Variants in CEP68 observed in about 807,000 individuals in gnomAD.
The protein encoded by CEP68 is centrosomal protein 68, also known as centrosomal protein of 68 kDa.
In CEP68, 26 loss-of-function variants were observed where a neutral mutation model predicts 55.3. The ratio of observed to expected loss-of-function variants is 0.47; its 90% CI spans 0.34 to 0.65. CEP68 has a LOEUF of 0.65. Ranked by LOEUF, CEP68 falls within the 30% of genes least tolerant of loss-of-function variation. The pLI, the probability that CEP68 is intolerant of heterozygous loss-of-function variation, is 0.01. For missense variants in CEP68, 957 were observed against 946.7 expected (o/e 1.01, Z -0.14); for synonymous variants, 402 against 383.2 (o/e 1.05, Z -0.57).
At chr2:65,067,605 C>T (rs931613259) in intron 1 of CEP68, among the ~76,000 whole-genome samples, 43 of 152,102 alleles carry the variant, frequency 2.8e-4, no homozygotes, top group African/African-American at 9.9e-4. Flanking sequence ...CATGCCTCCC[C>T]ATGACACTAA....
At chr2:65,074,244 A>G in intron 3 of CEP68, 38 bp from the exon 4 acceptor site, 1 of 1,608,518 alleles carries the variant, frequency 6.2e-7, no homozygotes. Flanking sequence ...TAGCTGTTCG[A>G]TCAGTAACAC....
Position 65,069,478 on chromosome 2 carries a change from G to A in CEP68, c.34G>A (p.Ala12Thr), listed in dbSNP as rs961561510. ...ALGEEKAEAE[A>T]SEDTKAQSYG... The stretch of plus-strand genomic sequence containing the variant: ...GGGTGAAGAAAAGGCAGAAGCGGAA[G>A]CATCTGAAGACACAAAGGCCCAGTC... Residue 12 changes from alanine (A) to threonine (T), a missense_variant, in exon 2 of 7, where the codon GCA becomes ACA. Transcript: ENST00000377990. The A allele has an allele frequency of 4.6e-6, 7 of 1,521,534 alleles. No homozygotes were observed. Among genetic ancestry groups the A allele is most frequent in the Non-Finnish European group, 4.4e-6 (5 of 1,134,192 alleles). The allele number at this position is 1,521,534 out of a possible 1,614,324, so 94.3% of individuals were successfully genotyped here.
chr2:65,082,952 T>C (rs1307749945), intron 6 of CEP68, among the ~76,000 whole-genome samples: 6 of 152,174 alleles, frequency 3.9e-5, no homozygotes, highest in Non-Finnish European at 8.8e-5. Flanking sequence ...TGTGCTGCCA[T>C]TTCTATGGCA....
intron 5 of CEP68, among the ~76,000 whole-genome samples, chr2:65,080,788 A>G (rs185421919): frequency 6.6e-6 from 1 of 152,076 alleles, no homozygotes; most frequent in Non-Finnish European, 1.5e-5. Flanking sequence ...ACTGTACTCC[A>G]GCCTGGGCAA....
At chr2:65,057,059 AT>A (rs200571833) in intron 1 of CEP68, among the ~76,000 whole-genome samples, 45 of 152,040 alleles carry the variant, frequency 3.0e-4, no homozygotes, top group African/African-American at 1.0e-3. Context: ...AAGATGTCTC[AT>A]TTTTTTTGCC....
At chr2:65,080,610 G>C in intron 5 of CEP68, 1 of 891,830 alleles carries the variant, frequency 1.1e-6, no homozygotes, top group Non-Finnish European at 1.3e-6. Context: ...CTGAGGGCAG[G>C]AGTTCAAGAC....
At chr2:65,074,776 CAAA>C in intron 4 of CEP68, 1 of 228,062 alleles carries the variant, frequency 4.4e-6, no homozygotes. Flanking sequence ...CCCCCCCCCT[CAAA>C]AAAAAGTTTT....
Position 65,083,979 on chromosome 2 carries a change from C to T in CEP68, c.*345C>T, listed in dbSNP as rs1318830555. ...TATTCCACCTGGTAGGGTCATTTAC[C>T]AAGGGCTGGTAGGAGATTCCGAATA... On this transcript the variant is annotated 3_prime_UTR_variant, in exon 7 of 7. Transcript: ENST00000377990. 3.3e-5 allele frequency: 5 copies of T among 152,108 alleles called. No individual in the cohort carries two copies. Among genetic ancestry groups the T allele is most frequent in the Non-Finnish European group, 7.3e-5 (5 of 68,030 alleles). 9.4% of individuals were successfully genotyped at this position (152,108 alleles called of 1,614,324 possible). A position where few individuals can be genotyped will look rare whatever the true frequency, so the allele number is the denominator to read the frequency against.
chr2:65,070,245 T>G (rs573584522), intron 2 of CEP68, among the ~76,000 whole-genome samples: 1 of 152,296 alleles, frequency 6.6e-6, no homozygotes, highest in East Asian at 1.9e-4. Flanking sequence ...TGTCAGAACC[T>G]TGGAGCCCTG....
chr2:65,068,829 G>GA (rs143831457), intron 1 of CEP68, among the ~76,000 whole-genome samples: 7,117 of 151,700 alleles, frequency 0.047, 558 homozygotes, highest in African/African-American at 0.16. Context: ...CCCTGTCTCA[G>GA]AAAAAAGAAA....
rs1668950577 is a variant in CEP68 at position 65,084,097 on chromosome 2, G to C, written c.*463G>C. 1 of 152,174 alleles carries C rather than the reference G, an allele frequency of 6.6e-6. No homozygotes were observed. Among genetic ancestry groups the C allele is most frequent in the Non-Finnish European group, 1.5e-5 (1 of 68,020 alleles). 9.4% of individuals were successfully genotyped at this position (152,174 alleles called of 1,614,324 possible). ...TGGGTCTTTTCATAAAAGGAAATTTGGGCTTGTCAATCCCTCTTTAAAGAT... is the reference window on the plus strand; with the variant it reads ...TGGGTCTTTTCATAAAAGGAAATTTCGGCTTGTCAATCCCTCTTTAAAGAT... On this transcript the variant is annotated 3_prime_UTR_variant, in exon 7 of 7. Coordinates refer to ENST00000377990, the MANE Select transcript of CEP68 (RefSeq NM_015147.3).
intron 4 of CEP68, among the ~76,000 whole-genome samples, chr2:65,075,711 C>A (rs1287330947): frequency 6.6e-6 from 1 of 152,140 alleles, no homozygotes; most frequent in Non-Finnish European, 1.5e-5. Context: ...GTTGGCTGCA[C>A]CTTTCTAATC....
chr2:65,067,944 C>G (rs1676274692), intron 1 of CEP68, among the ~76,000 whole-genome samples: 1 of 152,112 alleles, frequency 6.6e-6, no homozygotes, highest in Non-Finnish European at 1.5e-5. Context: ...AAGGCGTCCT[C>G]AGTGTGTGCA....
intron 1 of CEP68, among the ~76,000 whole-genome samples, chr2:65,060,053 T>C (rs1675835228): frequency 6.6e-6 from 1 of 152,130 alleles, no homozygotes; most frequent in South Asian, 2.1e-4. Flanking sequence ...CAACATACTT[T>C]GATGTAATAA....
chr2:65,062,709 C>A (rs545534442), intron 1 of CEP68, among the ~76,000 whole-genome samples: 1 of 151,820 alleles, frequency 6.6e-6, no homozygotes, highest in Admixed American at 6.6e-5. Flanking sequence ...TGGTGGTGCA[C>A]GCCTGTAATC....
At chr2:65,059,142 A>G (rs1019957997) in intron 1 of CEP68, among the ~76,000 whole-genome samples, 7 of 152,182 alleles carry the variant, frequency 4.6e-5, no homozygotes, top group African/African-American at 7.2e-5. Context: ...TCTCATGAAG[A>G]AACTGTCTCC....
At chr2:65,079,727 CAGG>C (rs780638495) in intron 5 of CEP68, among the ~76,000 whole-genome samples, 1 of 152,240 alleles carries the variant, frequency 6.6e-6, no homozygotes, top group African/African-American at 2.4e-5. Flanking sequence ...CCACAGGCCA[CAGG>C]AGAAGTGGCA....
intron 3 of CEP68, chr2:65,073,273 T>C: frequency 2.2e-6 from 1 of 444,672 alleles, no homozygotes. Context: ...GCTGAGCTCT[T>C]AGCCACTACC....
At chr2:65,083,219 T>C (rs1668917777) in intron 6 of CEP68, among the ~76,000 whole-genome samples, 4 of 151,954 alleles carry the variant, frequency 2.6e-5, no homozygotes, top group Admixed American at 2.0e-4. Flanking sequence ...TCTCCACATA[T>C]CTCCCACACC....
Sources: allele counts gnomAD v4.1 joint callset (sites outside exome capture counted in the v4.1 genomes callset), GRCh38; gene constraint gnomAD v4.1.1; transcripts MANE v1.5; gene names NCBI Gene and HGNC (gene_info 2026-07-23, HGNC 2026-07-21).